The following SLC4A4 variants were observed in gnomAD, a reference collection of about 807,000 sequenced individuals.
SLC4A4 encodes the protein solute carrier family 4 member 4, also known as electrogenic sodium bicarbonate cotransporter 1.
In SLC4A4, 27 loss-of-function variants were observed where a neutral mutation model predicts 111.5. That is an observed-to-expected ratio of 0.24 (90% CI 0.18 to 0.33). The LOEUF is 0.33. Ranked by LOEUF, SLC4A4 falls within the 10% of genes least tolerant of loss-of-function variation. The probability of loss-of-function intolerance (pLI) is 1.00; values close to 1 mark genes in which losing one functional copy is unlikely to be tolerated. For synonymous variants in SLC4A4, 443 were observed against 463.4 expected (o/e 0.96, Z 0.57); for missense variants, 909 against 1,315.5 (o/e 0.69, Z 4.78).
At chr4:71,339,769 A>T (rs190733586) in intron 4 of SLC4A4, among the ~76,000 whole-genome samples, 76 of 152,294 alleles carry the variant, frequency 5.0e-4, no homozygotes, top group African/African-American at 1.8e-3. Flanking sequence ...ATTAGAAATA[A>T]AGCTCAATTT....
chr4:71,248,403 G>A (rs981481366), intron 2 of SLC4A4, among the ~76,000 whole-genome samples: 2 of 150,266 alleles, frequency 1.3e-5, no homozygotes, highest in African/African-American at 4.9e-5. Context: ...TATAGAGATA[G>A]ATATATAGAT....
At chr4:71,185,171 T>C (rs886410583), upstream of SLC4A4, among the ~76,000 whole-genome samples, 15 of 152,236 alleles carry the variant, frequency 9.9e-5, no homozygotes, top group Non-Finnish European at 5.9e-5. Flanking sequence ...TCTTGGACTT[T>C]TTCTTTCTTA....
intron 3 of SLC4A4, among the ~76,000 whole-genome samples, chr4:71,304,328 G>A (rs920370000): frequency 5.3e-5 from 8 of 152,192 alleles, no homozygotes; most frequent in Non-Finnish European, 1.0e-4. Context: ...GAGAATTGGG[G>A]GGCCAATGTC....
intron 6 of SLC4A4, among the ~76,000 whole-genome samples, chr4:71,358,067 A>G (rs1270492961): frequency 6.6e-6 from 1 of 152,144 alleles, no homozygotes; most frequent in East Asian, 1.9e-4. Flanking sequence ...GTAATCCCAG[A>G]ACTTTGGGAG....
intron 2 of SLC4A4, among the ~76,000 whole-genome samples, chr4:71,124,235 C>T (rs1043907725): frequency 4.8e-5 from 7 of 146,110 alleles, no homozygotes; most frequent in African/African-American, 7.6e-5. Flanking sequence ...TGCAGTGGTG[C>T]GATCTCAGCT....
chr4:71,063,568 T>C (rs938463335), intron 1 of SLC4A4, among the ~76,000 whole-genome samples: 2 of 152,116 alleles, frequency 1.3e-5, no homozygotes, highest in African/African-American at 4.8e-5. Flanking sequence ...ATTTTTAATA[T>C]GTGTAAAAAT....
At chr4:71,230,837 G>T (rs979419977) in intron 1 of SLC4A4, among the ~76,000 whole-genome samples, 1 of 152,162 alleles carries the variant, frequency 6.6e-6, no homozygotes, top group Non-Finnish European at 1.5e-5. Flanking sequence ...GTGTGTCAAG[G>T]TTGGAGGCTC....
At chr4:71,076,920 G>A (rs893460930) in intron 1 of SLC4A4, among the ~76,000 whole-genome samples, 2 of 151,842 alleles carry the variant, frequency 1.3e-5, no homozygotes, top group Admixed American at 1.3e-4. Flanking sequence ...AGCCTGGGAG[G>A]CAGAGGTTGC....
At chr4:71,200,603 G>T (rs1453396093) in intron 1 of SLC4A4, among the ~76,000 whole-genome samples, 1 of 152,120 alleles carries the variant, frequency 6.6e-6, no homozygotes, top group Non-Finnish European at 1.5e-5. Context: ...TAAGCAAAAG[G>T]ATGTATAAAT....
intron 2 of SLC4A4, among the ~76,000 whole-genome samples, chr4:71,120,858 A>C (rs541939070): frequency 2.6e-5 from 4 of 152,300 alleles, no homozygotes; most frequent in Admixed American, 6.5e-5. Flanking sequence ...CCACCACTGC[A>C]CTGTGGGAGC....
At chr4:71,363,407 T>G (rs1730976484) in intron 6 of SLC4A4, among the ~76,000 whole-genome samples, 1 of 152,198 alleles carries the variant, frequency 6.6e-6, no homozygotes, top group Non-Finnish European at 1.5e-5. Context: ...GGTAGCTTTC[T>G]CGTTCCCTTT....
chr4:71,146,947 T>C (rs1161914391), intron 2 of SLC4A4, among the ~76,000 whole-genome samples: 1 of 152,038 alleles, frequency 6.6e-6, no homozygotes, highest in Non-Finnish European at 1.5e-5. Flanking sequence ...GACTGGCAAA[T>C]TGGATAAAGA....
intron 1 of SLC4A4, among the ~76,000 whole-genome samples, chr4:71,201,525 C>G (rs1198677466): frequency 6.6e-6 from 1 of 152,216 alleles, no homozygotes; most frequent in East Asian, 1.9e-4. Context: ...ACGGGGGACT[C>G]TGTGCTTCCA....
chr4:71,244,156 A>G (rs1720458683), intron 2 of SLC4A4, among the ~76,000 whole-genome samples: 1 of 152,186 alleles, frequency 6.6e-6, no homozygotes, highest in Admixed American at 6.5e-5. Flanking sequence ...AATCTAATGG[A>G]TACGTGTGTT....
intron 3 of SLC4A4, among the ~76,000 whole-genome samples, chr4:71,294,968 T>C (rs969361367): frequency 6.6e-6 from 1 of 152,240 alleles, no homozygotes; most frequent in Admixed American, 6.5e-5. Context: ...AACTCATTGC[T>C]TTTCTGAGAC....
intron 12 of SLC4A4, among the ~76,000 whole-genome samples, chr4:71,461,734 C>G (rs1200023880): frequency 6.6e-6 from 1 of 152,056 alleles, no homozygotes; most frequent in Non-Finnish European, 1.5e-5. Flanking sequence ...GTCCTAATTT[C>G]TTGACTTTAA....
In SLC4A4 at chr4:71,448,995, A is replaced by G. The variant is rs934109340; in HGVS notation, c.1053+1262A>G. ...TTGTAATTTAGATCTGTTTTAAAAA[A>G]TACTTTCTCCTAAGATGTATCAATT... is the stretch of plus-strand genomic sequence containing the variant. On this transcript the variant is annotated intron_variant, in intron 9 of 25. Coordinates refer to ENST00000264485, the MANE Select transcript of SLC4A4 (RefSeq NM_001098484.3). Among the ~76,000 whole-genome samples, 6 of 152,198 alleles carry G rather than the reference A, an allele frequency of 3.9e-5. No individual in the cohort carries two copies. In the East Asian group the frequency reaches 1.2e-3, roughly 29 times the overall value.
intron 1 of SLC4A4, among the ~76,000 whole-genome samples, chr4:71,225,843 G>T (rs2149027320): frequency 6.6e-6 from 1 of 152,308 alleles, no homozygotes; most frequent in Non-Finnish European, 1.5e-5. Context: ...ATGTGCAAAA[G>T]TCACAGACTA....
At chr4:71,378,821 C>T (rs1717803525) in intron 6 of SLC4A4, among the ~76,000 whole-genome samples, 1 of 152,236 alleles carries the variant, frequency 6.6e-6, no homozygotes, top group Non-Finnish European at 1.5e-5. Context: ...TTAGACTTGT[C>T]CTGGTAATTC....
Sources: gnomAD v4.1 joint callset for allele counts (sites outside exome capture counted in the v4.1 genomes callset) on GRCh38, gnomAD v4.1.1 for gene constraint, MANE v1.5 for transcripts, NCBI Gene and HGNC (gene_info 2026-07-23, HGNC 2026-07-21) for gene names.